Variants in PDE8B observed in about 807,000 individuals in gnomAD.
PDE8B encodes the protein phosphodiesterase 8B.
A neutral mutation model predicts 101.3 loss-of-function variants in PDE8B; 26 were observed. The observed-to-expected ratio is 0.26, with a 90% CI of 0.19 to 0.36. PDE8B has a LOEUF of 0.36. Ranked by LOEUF, PDE8B falls within the 10% of genes least tolerant of loss-of-function variation. PDE8B has a pLI of 1.00. For synonymous variants in PDE8B, 424 were observed against 429.3 expected (o/e 0.99, Z 0.15); for missense variants, 810 against 1,163.1 (o/e 0.70, Z 4.42).
Position 77,426,862 on chromosome 5 carries a change from G to A in PDE8B, c.*308G>A, listed in dbSNP as rs367653118. 255 of 367,094 alleles carry A rather than the reference G, an allele frequency of 6.9e-4. 2 individuals carry two copies. The highest frequency in any genetic ancestry group is 5.0e-3 in the African/African-American group (238 of 47,700). 22.7% of individuals were successfully genotyped at this position (367,094 alleles called of 1,614,324 possible). On this transcript the variant is annotated 3_prime_UTR_variant, in exon 22 of 22. Transcript: ENST00000264917. ...GGTTCACTGTAACTAGCAGGCCACA[G>A]GAAGCAAAGCCTTGGTGCCTGTGAG...
intron 1 of PDE8B, among the ~76,000 whole-genome samples, chr5:77,255,313 G>A (rs569473066): frequency 1.3e-5 from 2 of 152,082 alleles, no homozygotes; most frequent in Non-Finnish European, 2.9e-5. Context: ...AGTATATTTC[G>A]TGTCCTGGCT....
chr5:77,237,872 G>A (rs888335658), intron 1 of PDE8B, among the ~76,000 whole-genome samples: 3 of 152,084 alleles, frequency 2.0e-5, no homozygotes, highest in Non-Finnish European at 2.9e-5. Context: ...ATAGAATCCT[G>A]AGTGAACAGG....
chr5:77,374,688 C>T (rs1416339221), intron 10 of PDE8B, among the ~76,000 whole-genome samples: 3 of 152,182 alleles, frequency 2.0e-5, no homozygotes, highest in Admixed American at 6.5e-5. Context: ...CGTTATAAAT[C>T]CCATAATACG....
chr5:77,105,038 G>A, the PDE8B span: 1 of 152,118 alleles, frequency 6.6e-6, no homozygotes, highest in Non-Finnish European at 1.5e-5. Flanking sequence ...CTAGAATTTT[G>A]TATAGAGGGA....
chr5:77,291,863 CAAA>C, intron 1 of PDE8B: 1 of 1,440,024 alleles, frequency 6.9e-7, no homozygotes, highest in Non-Finnish European at 9.7e-7. Context: ...TTGAAGAAGA[CAAA>C]GAAAATTAAA....
intron 1 of PDE8B, among the ~76,000 whole-genome samples, chr5:77,232,828 TCTGA>T (rs1212569863): frequency 4.6e-5 from 7 of 152,228 alleles, no homozygotes; most frequent in South Asian, 2.1e-4. Context: ...CATTGCCTTG[TCTGA>T]CTAATTTATC....
intron 10 of PDE8B, among the ~76,000 whole-genome samples, chr5:77,389,268 G>A (rs1164733559): frequency 1.3e-5 from 2 of 152,146 alleles, no homozygotes; most frequent in South Asian, 2.1e-4. Flanking sequence ...TATCTGGGCC[G>A]GAATGTACCA....
chr5:77,162,981 C>T, the PDE8B span, among the ~76,000 whole-genome samples: 5 of 152,322 alleles, frequency 3.3e-5, 1 homozygote, highest in African/African-American at 1.2e-4. Flanking sequence ...ACTAAACATA[C>T]TTGACTTCAA....
intron 1 of PDE8B, among the ~76,000 whole-genome samples, chr5:77,271,498 G>T (rs1395878205): frequency 6.6e-6 from 1 of 152,254 alleles, no homozygotes; most frequent in African/African-American, 2.4e-5. Flanking sequence ...AGGTTGAACT[G>T]TGGAATGAAG....
chr5:77,298,601 A>T (rs1006579566), intron 1 of PDE8B, among the ~76,000 whole-genome samples: 6 of 152,222 alleles, frequency 3.9e-5, no homozygotes, highest in Non-Finnish European at 8.8e-5. Context: ...GTTTAGAAAG[A>T]GGCTGGACTT....
chr5:77,409,106 CT>C, intron 14 of PDE8B, 49 bp downstream of exon 14: 1 of 1,517,388 alleles, frequency 6.6e-7, no homozygotes. Flanking sequence ...TCCGGGGCCT[CT>C]AGAGTGCAGC....
At chr5:77,400,400 A>G in intron 11 of PDE8B, 110 bp downstream of exon 11, 1 of 791,754 alleles carries the variant, frequency 1.3e-6, no homozygotes, top group South Asian at 1.4e-5. Context: ...CAGAATGTGG[A>G]GTGCTAAAAT....
intron 6 of PDE8B, among the ~76,000 whole-genome samples, chr5:77,339,101 T>A (rs1413224668): frequency 6.6e-6 from 1 of 152,204 alleles, no homozygotes; most frequent in Non-Finnish European, 1.5e-5. Context: ...GTTATTGTAC[T>A]GCTGAAATCT....
chr5:77,223,957 C>A (rs1751770379), intron 1 of PDE8B, among the ~76,000 whole-genome samples: 1 of 152,170 alleles, frequency 6.6e-6, no homozygotes, highest in African/African-American at 2.4e-5. Context: ...TTTAGTTTCT[C>A]CAGCTCTACC....
the PDE8B span, among the ~76,000 whole-genome samples, chr5:77,126,025 G>T: frequency 1.3e-5 from 2 of 152,094 alleles, no homozygotes; most frequent in African/African-American, 4.8e-5. Flanking sequence ...AGTGGCTCAC[G>T]CCTGTAATCC....
At chr5:77,377,891 C>T (rs771744720) in intron 10 of PDE8B, among the ~76,000 whole-genome samples, 1 of 152,148 alleles carries the variant, frequency 6.6e-6, no homozygotes, top group African/African-American at 2.4e-5. Flanking sequence ...TATGCTACTG[C>T]CTTCCCTGGT....
chr5:77,313,205 C>A (rs1773069624), intron 2 of PDE8B, among the ~76,000 whole-genome samples: 1 of 150,244 alleles, frequency 6.7e-6, no homozygotes, highest in South Asian at 2.1e-4. Context: ...AAAAACCAAG[C>A]AAGGAAATGT....
intron 10 of PDE8B, among the ~76,000 whole-genome samples, chr5:77,380,770 ATGAAC>A (rs1787298257): frequency 1.3e-5 from 2 of 152,244 alleles, no homozygotes; most frequent in South Asian, 2.1e-4. Flanking sequence ...GTACTGATTT[ATGAAC>A]TGTTATAAAT....
At chr5:77,167,445 C>T in the PDE8B span, among the ~76,000 whole-genome samples, 2 of 152,198 alleles carry the variant, frequency 1.3e-5, no homozygotes, top group African/African-American at 4.8e-5. Context: ...TTATTTACCA[C>T]AGGGTTTGTT....
Sources: allele counts gnomAD v4.1 joint callset (sites outside exome capture counted in the v4.1 genomes callset), GRCh38; gene constraint gnomAD v4.1.1; transcripts MANE v1.5; gene names NCBI Gene and HGNC (gene_info 2026-07-23, HGNC 2026-07-21).